ULK4: variants seen among roughly 807,000 people sequenced by gnomAD.
The protein encoded by ULK4 is unc-51 like kinase 4.
A neutral mutation model predicts 160.6 loss-of-function variants in ULK4; 133 were observed. The ratio of observed to expected loss-of-function variants is 0.83; its 90% confidence interval spans 0.72 to 0.96. ULK4 has a LOEUF of 0.96. Among genes scored for constraint, ULK4 ranks in the 40% least tolerant of loss-of-function variants. The probability of loss-of-function intolerance (pLI) is 0.00; values close to 1 mark genes in which losing one functional copy is unlikely to be tolerated. For missense variants in ULK4, 1,580 were observed against 1,499.5 expected, an observed-to-expected ratio of 1.05 and a Z score of -0.89; for synonymous variants, 534 against 539.8, an observed-to-expected ratio of 0.99 and a Z score of 0.15.
intron 5 of ULK4, among the ~76,000 whole-genome samples, chr3:41,921,647 A>C (rs970459333): frequency 6.6e-6 from 1 of 152,134 alleles, no homozygotes; most frequent in African/African-American, 2.4e-5. Flanking sequence ...TGGAATTAAC[A>C]AATAAATGCA....
At chr3:41,669,106 A>G (rs1007669573) in intron 29 of ULK4, among the ~76,000 whole-genome samples, 1 of 152,238 alleles carries the variant, frequency 6.6e-6, no homozygotes, top group East Asian at 1.9e-4. Context: ...TACTTCATCA[A>G]CATCTGGAGG....
rs1373897062 is a variant in ULK4, at chr3:41,911,736, G to A, written c.897-77C>T. 3 of 1,106,880 alleles carry A rather than the reference G, an allele frequency of 2.7e-6. No individual in the cohort carries two copies. In the African/African-American group the frequency reaches 4.7e-5, roughly 17 times the overall value. 68.6% of individuals were successfully genotyped at this position (1,106,880 alleles called of 1,614,324 possible). On this transcript the variant is annotated intron_variant, in intron 9 of 36. Transcript: ENST00000301831. ...GTTTTATGTTAGAGAAAAAGAGGTT[G>A]GAGAAGATAATTAAATTACACATGA...
intron 22 of ULK4, among the ~76,000 whole-genome samples, chr3:41,723,187 A>C (rs557742646): frequency 2.6e-5 from 4 of 152,168 alleles, no homozygotes; most frequent in African/African-American, 9.6e-5. Context: ...TGCTGTTCAT[A>C]ATTCCTCTTT....
In ULK4 at chr3:41,852,427, C is replaced by A. The variant is rs190236603; in HGVS notation, c.1657-16456G>T. 9.7e-4 allele frequency among the ~76,000 whole-genome samples: 148 copies of A among 152,104 alleles called. 1 individual carries two copies. The highest frequency in any genetic ancestry group is 3.4e-3 in the African/African-American group (141 of 41,426). On this transcript the variant is annotated intron_variant, in intron 17 of 36. Coordinates refer to ENST00000301831, the MANE Select transcript of ULK4 (RefSeq NM_017886.4). Reference sequence around the variant, plus strand: ...TAAATCTATAGTTCAAAATTAATTACTCAATTAAAATTACTTTTTCCATTT... The same window carrying A: ...TAAATCTATAGTTCAAAATTAATTAATCAATTAAAATTACTTTTTCCATTT...
At chr3:41,267,234 A>G (rs1197674768) in intron 35 of ULK4, among the ~76,000 whole-genome samples, 1 of 151,034 alleles carries the variant, frequency 6.6e-6, no homozygotes, top group Non-Finnish European at 1.5e-5. Context: ...TCATTGTTCA[A>G]CTCCCACTTA....
intron 4 of ULK4, 48 bp from the exon 5 acceptor site, chr3:41,932,054 G>T: frequency 1.9e-6 from 3 of 1,565,852 alleles, no homozygotes; most frequent in Non-Finnish European, 2.6e-6. Flanking sequence ...AACTTAATTT[G>T]TACATATATC....
intron 30 of ULK4, among the ~76,000 whole-genome samples, chr3:41,633,380 T>C (rs2033824470): frequency 6.6e-6 from 1 of 152,180 alleles, no homozygotes; most frequent in Non-Finnish European, 1.5e-5. Context: ...TGGAACACAA[T>C]CCTGTGTATT....
chr3:41,891,290 G>A (rs540334427), intron 16 of ULK4, among the ~76,000 whole-genome samples: 52 of 91,474 alleles, frequency 5.7e-4, no homozygotes, highest in Non-Finnish European at 1.0e-3. Context: ...GGACGGGAGC[G>A]GGGAAGGAAG....
At chr3:41,790,559 G>C (rs1407951974) in intron 20 of ULK4, among the ~76,000 whole-genome samples, 1 of 152,210 alleles carries the variant, frequency 6.6e-6, no homozygotes, top group African/African-American at 2.4e-5. Flanking sequence ...AGATGACGCT[G>C]AGCCAGTTTT....
chr3:41,856,041 G>A (rs2042330177), intron 17 of ULK4, among the ~76,000 whole-genome samples: 1 of 152,136 alleles, frequency 6.6e-6, no homozygotes, highest in African/African-American at 2.4e-5. Context: ...TAGAAAGCAT[G>A]TCTTTAAAGA....
At chr3:41,952,469 T>C (rs1355330269) in intron 2 of ULK4, among the ~76,000 whole-genome samples, 1 of 152,168 alleles carries the variant, frequency 6.6e-6, no homozygotes, top group Non-Finnish European at 1.5e-5. Flanking sequence ...GAAAAGATGC[T>C]GCTCAGCATC....
At chr3:41,715,164 T>C (rs1171607503) in intron 25 of ULK4, 73 bp downstream of exon 25, 2 of 1,456,320 alleles carry the variant, frequency 1.4e-6, no homozygotes, top group African/African-American at 2.8e-5. Flanking sequence ...TACCTCATTC[T>C]GACATCAAAT....
intron 35 of ULK4, among the ~76,000 whole-genome samples, chr3:41,340,253 C>G (rs2125749648): frequency 6.6e-6 from 1 of 152,272 alleles, no homozygotes. Context: ...TTTTCCCCAA[C>G]CTATTTGACC....
intron 17 of ULK4, among the ~76,000 whole-genome samples, chr3:41,850,530 T>A (rs1288714034): frequency 6.6e-6 from 1 of 152,014 alleles, no homozygotes; most frequent in Non-Finnish European, 1.5e-5. Flanking sequence ...GGTATCTCAT[T>A]GTGGTTTTCA....
chr3:41,917,629 C>T (rs778720305), intron 7 of ULK4, among the ~76,000 whole-genome samples: 2 of 152,032 alleles, frequency 1.3e-5, no homozygotes, highest in Non-Finnish European at 2.9e-5. Context: ...ATTATATTAA[C>T]CACAATTTAT....
chr3:41,602,713 G>C (rs1049879972), intron 31 of ULK4, among the ~76,000 whole-genome samples: 1 of 152,016 alleles, frequency 6.6e-6, no homozygotes, highest in Non-Finnish European at 1.5e-5. Flanking sequence ...ATTTTTAAAA[G>C]AAATTTCTGT....
At chr3:41,709,428 C>T (rs2037013986) in intron 25 of ULK4, among the ~76,000 whole-genome samples, 1 of 152,126 alleles carries the variant, frequency 6.6e-6, no homozygotes, top group African/African-American at 2.4e-5. Context: ...CGCTCTGTCA[C>T]CAGGCTGGAG....
intron 2 of ULK4, among the ~76,000 whole-genome samples, chr3:41,950,474 C>T (rs1386879193): frequency 5.3e-5 from 8 of 152,086 alleles, no homozygotes; most frequent in Admixed American, 2.0e-4. Context: ...AACTCCAGGC[C>T]TCAAGTGATC....
At chr3:41,893,415 A>G (rs1225756907) in intron 16 of ULK4, among the ~76,000 whole-genome samples, 3 of 152,184 alleles carry the variant, frequency 2.0e-5, no homozygotes. Flanking sequence ...TAAATACTCA[A>G]TGTTGGAAGT....
Sources: allele counts gnomAD v4.1 joint callset (sites outside exome capture counted in the v4.1 genomes callset), GRCh38; gene constraint gnomAD v4.1.1; transcripts MANE v1.5; gene names NCBI Gene and HGNC (gene_info 2026-07-23, HGNC 2026-07-21).